NCOR2: variants seen among roughly 807,000 people sequenced by gnomAD.
NCOR2 encodes the protein nuclear receptor corepressor 2.
Under a neutral mutation model 262.9 loss-of-function variants are expected in NCOR2, and 81 were observed. The observed-to-expected ratio is 0.31, with a 90% confidence interval of 0.26 to 0.37. The LOEUF (loss-of-function observed/expected upper bound fraction) is 0.37. Ranked by LOEUF, NCOR2 falls within the 10% of genes least tolerant of loss-of-function variation. The pLI is 1.00. For missense variants in NCOR2, 3,385 were observed against 3,621.4 expected, an observed-to-expected ratio of 0.93 and a Z score of 1.68; for synonymous variants, 1,659 against 1,559.3, an observed-to-expected ratio of 1.06 and a Z score of -1.51.
intron 5 of NCOR2, among the ~76,000 whole-genome samples, chr12:124,458,948 G>A (rs1313139434): frequency 1.3e-5 from 2 of 152,184 alleles, no homozygotes; most frequent in South Asian, 2.1e-4. Context: ...GTAGCATGGG[G>A]GCAGGGCAGC....
chr12:124,466,241 G>C, exon 5 of NCOR2: 1 of 1,609,732 alleles, frequency 6.2e-7, no homozygotes, highest in Non-Finnish European at 8.5e-7. Flanking sequence ...GGTGACACGG[G>C]CTTCTCAGGC....
intron 20 of NCOR2, among the ~76,000 whole-genome samples, chr12:124,371,144 G>A (rs2039473509): frequency 6.6e-6 from 1 of 151,998 alleles, no homozygotes; most frequent in Non-Finnish European, 1.5e-5. Context: ...CCTTCTCACT[G>A]CCCTGAGAAC....
At chr12:124,340,605 G>A (rs2036381873) in exon 35 of NCOR2, 1 of 1,499,564 alleles carries the variant, frequency 6.7e-7, no homozygotes, top group Non-Finnish European at 8.8e-7. Flanking sequence ...GCGCTACCTG[G>A]GGAGAGTGGG....
intron 32 of NCOR2, among the ~76,000 whole-genome samples, chr12:124,343,689 C>G (rs543110812): frequency 6.6e-6 from 1 of 151,648 alleles, no homozygotes; most frequent in South Asian, 2.1e-4. Context: ...TGCAATGGCA[C>G]GATCTCCGTT....
At chr12:124,544,974 T>C (rs148874716) in intron 1 of NCOR2, among the ~76,000 whole-genome samples, 1 of 152,276 alleles carries the variant, frequency 6.6e-6, no homozygotes, top group Non-Finnish European at 1.5e-5. Context: ...TTTTAAAGCC[T>C]GAGGAAGGTG....
intron 16 of NCOR2, among the ~76,000 whole-genome samples, chr12:124,390,683 C>T (rs780851538): frequency 1.3e-5 from 2 of 152,194 alleles, no homozygotes; most frequent in Admixed American, 6.5e-5. Flanking sequence ...CAGGGGGCCC[C>T]GAACCCTCCC....
chr12:124,372,344 C>A lies in NCOR2; in HGVS notation c.2485G>T (p.Glu829Ter). ...ACTGGGGGCGCTGCTGCGGTCTCCT[C>A]CTCCTTCTCCTCCTTGGGGACCACA... Residue 829 changes from glutamate to a stop codon, truncating the protein, a stop_gained, in exon 20 of 47, where the codon GAG (glutamate) becomes TAG (stop). Transcript: ENST00000405201. LOFTEE classifies it high-confidence loss of function. 1 of 1,516,560 alleles carries A rather than the reference C, an allele frequency of 6.6e-7. No homozygotes were observed. 93.9% of individuals were successfully genotyped at this position (1,516,560 alleles called of 1,614,324 possible). A position where few individuals can be genotyped will look rare whatever the true frequency, so the allele number is the denominator to read the frequency against.
exon 41 of NCOR2, chr12:124,334,495 A>G: frequency 6.9e-7 from 1 of 1,451,886 alleles, no homozygotes. Context: ...GGTAGAGGTC[A>G]CTGGGTGGGC....
chr12:124,335,874 C>CAG lies in NCOR2; in HGVS notation c.6116-244_6116-243dup, dbSNP rs1053711602. The CAG allele has an allele frequency of 2.8e-5, 15 of 530,428 alleles. No homozygotes were observed. In the African/African-American group the frequency reaches 2.8e-4, roughly 10 times the overall value. The allele number at this position is 530,428 out of a possible 1,614,324, so 32.9% of individuals were successfully genotyped here. A position where few individuals can be genotyped will look rare whatever the true frequency, so the allele number is the denominator to read the frequency against. On this transcript the variant is annotated intron_variant, in intron 38 of 46. Coordinates refer to ENST00000405201, the Ensembl canonical transcript of NCOR2. The stretch of plus-strand genomic sequence containing the variant: ...ACAGAGACAGACAGAGAGGGAGACA[C>CAG]AGAGAGAGATTAGGCAAGAAGGGAC...
chr12:124,471,254 A>C (rs1036191421), intron 4 of NCOR2, among the ~76,000 whole-genome samples: 3 of 152,012 alleles, frequency 2.0e-5, no homozygotes, highest in Admixed American at 2.0e-4. Context: ...CTGGAAGCCT[A>C]CTCTCACCAG....
chr12:124,530,849 T>C (rs1002688984), intron 1 of NCOR2, among the ~76,000 whole-genome samples: 4 of 152,226 alleles, frequency 2.6e-5, no homozygotes, highest in Non-Finnish European at 5.9e-5. Flanking sequence ...TTATTGCTGC[T>C]GCCAGGTGAT....
chr12:124,438,928 G>A (rs373513181), intron 7 of NCOR2, among the ~76,000 whole-genome samples: 5 of 141,898 alleles, frequency 3.5e-5, no homozygotes, highest in African/African-American at 1.3e-4. Flanking sequence ...GAGAGACGGA[G>A]ACCCAGAGAC....
rs369349451 is a variant in NCOR2 at position 124,341,838 on chromosome 12, C to T, written c.5173G>A (p.Ala1725Thr). 4.6e-5 allele frequency: 74 copies of T among 1,605,262 alleles called. No homozygotes were observed. The Middle Eastern group carries it at 9.9e-4, about 22-fold the overall frequency. ...ACCCACTCACCTCGGGGACCCGCAGCGTAGTTGAGTGCCAGCGAGGACTCG... is the reference window on the plus strand; with the variant it reads ...ACCCACTCACCTCGGGGACCCGCAGTGTAGTTGAGTGCCAGCGAGGACTCG... Residue 1725 changes from alanine (A) to threonine (T), a missense_variant, in exon 34 of 47, where the codon GCT (alanine) becomes ACT (threonine). This residue lies in a region of NCOR2 where 1,615 missense variants were observed against 1,626.9 expected (regional missense o/e 0.99). Transcript: ENST00000405201.
chr12:124,424,509 T>C (rs749815579), intron 11 of NCOR2, among the ~76,000 whole-genome samples: 41 of 152,162 alleles, frequency 2.7e-4, no homozygotes, highest in Non-Finnish European at 4.7e-4. Flanking sequence ...CAGGGCTCAT[T>C]ACCCCACCCC....
rs139802232 is a variant in NCOR2, at chr12:124,523,026, A to G, written c.-118+12539T>C. ...CACAGGCCATCACCTCTGCCCCTAA[A>G]TAAAGACACTCCCCAGACCAAAATG... On this transcript the variant is annotated intron_variant, in intron 1 of 46. Transcript: ENST00000404621. This position sits in a 1 kb window ranked among gnomAD's most constrained non-coding sequence, Gnocchi z 4.0. 6.6e-6 allele frequency among the ~76,000 whole-genome samples: 1 copy of G among 152,288 alleles called. No individual in the cohort carries two copies. Among genetic ancestry groups the G allele is most frequent in the Non-Finnish European group, 1.5e-5 (1 of 68,012 alleles).
upstream of NCOR2, among the ~76,000 whole-genome samples, chr12:124,499,971 A>C (rs2136938631): frequency 6.6e-6 from 1 of 152,210 alleles, no homozygotes; most frequent in East Asian, 1.9e-4. Flanking sequence ...CTGACTCTGC[A>C]GGCCGAGGAA....
chr12:124,512,042 G>A (rs558104966), intron 1 of NCOR2, among the ~76,000 whole-genome samples: 42 of 152,238 alleles, frequency 2.8e-4, no homozygotes, highest in Non-Finnish European at 3.8e-4. Flanking sequence ...CTGCCTCAGC[G>A]TGGGACTACA....
chr12:124,449,698 G>A (rs754845266), intron 7 of NCOR2, 117 bp downstream of exon 9: 27 of 1,282,046 alleles, frequency 2.1e-5, no homozygotes, highest in Non-Finnish European at 2.8e-5. Flanking sequence ...ACCTGGCCCT[G>A]GCCGGGAGCC....
intron 45 of NCOR2, among the ~76,000 whole-genome samples, chr12:124,327,004 G>C (rs143417604): frequency 6.6e-6 from 1 of 152,218 alleles, no homozygotes; most frequent in African/African-American, 2.4e-5. Flanking sequence ...GGCAGATGCT[G>C]AGCACAGGCC....
Sources: gnomAD v4.1 joint callset for allele counts (sites outside exome capture counted in the v4.1 genomes callset) on GRCh38, gnomAD v4.1.1 for gene constraint, gnomAD v4.1.1 regional missense constraint, Gnocchi (gnomAD v3.1) non-coding constraint, MANE v1.5 for transcripts, NCBI Gene and HGNC (gene_info 2026-07-23, HGNC 2026-07-21) for gene names.